PNPLA1: variants seen among roughly 807,000 people sequenced by gnomAD.
The protein encoded by PNPLA1 is omega-hydroxyceramide transacylase.
A neutral mutation model predicts 51.7 loss-of-function variants in PNPLA1; 36 were observed. The observed-to-expected ratio is 0.70, with a 90% CI of 0.53 to 0.92. PNPLA1 has a LOEUF of 0.92. Among genes scored for constraint, PNPLA1 ranks in the 40% least tolerant of loss-of-function variants. The probability of loss-of-function intolerance (pLI) is 0.00; values close to 1 mark genes in which losing one functional copy is unlikely to be tolerated. For synonymous variants in PNPLA1, 293 were observed against 280.1 expected, an observed-to-expected ratio of 1.05 and a Z score of -0.46; for missense variants, 658 against 682.5, an observed-to-expected ratio of 0.96 and a Z score of 0.40.
Position 36,302,923 on chromosome 6 carries a change from C to T in PNPLA1, c.1384+454C>T, listed in dbSNP as rs1254595518. ...TCAAAGAGTGGTCCGCAGACCAACC[C>T]AGCCCTCAACTGTGTGTTACTAGCC... is the stretch of plus-strand genomic sequence containing the variant. On this transcript the variant is annotated intron_variant, in intron 6 of 8. Transcript: ENST00000636260. Among the ~76,000 whole-genome samples, 3 of 152,162 alleles carry T rather than the reference C, an allele frequency of 2.0e-5. No homozygotes were observed. In the South Asian group the frequency reaches 6.2e-4, roughly 32 times the overall value.
At chr6:36,246,435 C>T (rs1308753277) in intron 1 of PNPLA1, among the ~76,000 whole-genome samples, 1 of 152,180 alleles carries the variant, frequency 6.6e-6, no homozygotes, top group Non-Finnish European at 1.5e-5. Context: ...CTCTTGAACT[C>T]AAGTGATCCG....
At position 36,246,499 on chromosome 6, in the gene PNPLA1, G is replaced by T. The variant is rs145522403; in HGVS notation, c.-81+3238G>T. Among the ~76,000 whole-genome samples the T allele has an allele frequency of 1.2e-4, 19 of 152,282 alleles. 2 individuals are homozygous for T. In the East Asian group the frequency reaches 2.1e-3, roughly 17 times the overall value. On this transcript the variant is annotated intron_variant, in intron 1 of 7. Coordinates refer to the PNPLA1 transcript ENST00000312917. ...TTACAGGTGTGAGCCATGGTGCCCG[G>T]CCAGATCCCGTGTCCTTAACTCCTC...
chr6:36,254,594 C>A (rs74935183), intron 1 of PNPLA1, among the ~76,000 whole-genome samples: 52 of 149,658 alleles, frequency 3.5e-4, no homozygotes, highest in African/African-American at 1.1e-3. Context: ...AAAAAAAAAA[C>A]AAAAAACAGA....
Position 36,302,011 on chromosome 6 carries a change from A to G in PNPLA1, c.926A>G (p.Gln309Arg), listed in dbSNP as rs937830523. 1.1e-5 allele frequency: 17 copies of G among 1,614,212 alleles called. No homozygotes were observed. The African/African-American group carries it at 1.2e-4, about 11-fold the overall frequency. Reference protein sequence around the residue: ...ARQASLEGATQPHKEWVPKGD... With the variant: ...ARQASLEGATRPHKEWVPKGD... ...CAGGCCAGTCTGGAAGGAGCCACAC[A>G]ACCTCACAAGGAGTGGGTTCCCAAA... Residue 309 changes from glutamine to arginine, a missense_variant, in exon 6 of 9, where the codon CAA becomes CGA. Gln to Arg is a conservative substitution (Grantham distance 43, BLOSUM62 1). Transcript: ENST00000636260.
chr6:36,278,583 G>A (rs1231078966), intron 1 of PNPLA1, among the ~76,000 whole-genome samples: 2 of 152,192 alleles, frequency 1.3e-5, no homozygotes, highest in Non-Finnish European at 2.9e-5. Context: ...GAAAAGCAGG[G>A]GACAGACACG....
intron 1 of PNPLA1, among the ~76,000 whole-genome samples, chr6:36,287,922 C>T (rs1020302257): frequency 1.1e-4 from 16 of 152,234 alleles, no homozygotes; most frequent in Admixed American, 9.2e-4. Flanking sequence ...GGCTACATGA[C>T]TGGCTAGAGC....
chr6:36,268,984 C>A (rs1006122328), upstream of PNPLA1, among the ~76,000 whole-genome samples: 2 of 151,416 alleles, frequency 1.3e-5, no homozygotes, highest in Non-Finnish European at 2.9e-5. Flanking sequence ...CACGCATGTA[C>A]GCACACACAC....
At chr6:36,291,592 C>CCCGGGGGGGGGG in intron 2 of PNPLA1, 40 bp downstream of exon 2, 2 of 105,202 alleles carry the variant, frequency 1.9e-5, no homozygotes, top group Non-Finnish European at 1.9e-5. Context: ...ACGGAGGGGG[C>CCCGGGGGGGGGG]GGGGGAGGGC....
intron 1 of PNPLA1, 99 bp from the exon 2 acceptor site, chr6:36,291,221 T>C: frequency 1.2e-6 from 1 of 842,508 alleles, no homozygotes; most frequent in Non-Finnish European, 1.9e-6. Context: ...TCCCCATTTG[T>C]TGGATTCAGA....
chr6:36,307,041 A>G (rs1022175564), intron 7 of PNPLA1, among the ~76,000 whole-genome samples: 1 of 152,056 alleles, frequency 6.6e-6, no homozygotes, highest in Non-Finnish European at 1.5e-5. Flanking sequence ...ACAGCAGGAG[A>G]TCAGAAGTTG....
chr6:36,305,786 T>A (rs1249715092), intron 6 of PNPLA1, among the ~76,000 whole-genome samples: 3 of 148,680 alleles, frequency 2.0e-5, no homozygotes, highest in African/African-American at 7.4e-5. Flanking sequence ...TTTTTTTTTT[T>A]TTTTGGTGGT....
At chr6:36,290,873 C>T (rs905347068) in intron 1 of PNPLA1, among the ~76,000 whole-genome samples, 5 of 152,180 alleles carry the variant, frequency 3.3e-5, no homozygotes, top group Non-Finnish European at 7.4e-5. Context: ...TATCCCAGGG[C>T]GTCACTTAGG....
Position 36,287,968 on chromosome 6 carries a change from G to A in PNPLA1, c.206-3352G>A, listed in dbSNP as rs966949897. On this transcript the variant is annotated intron_variant, in intron 1 of 8. Coordinates refer to ENST00000636260, the MANE Select transcript of PNPLA1 (RefSeq NM_001374623.1). ...TCCAGATAGCACCATTTTCAGATGT[G>A]AGTACTTTGGAATGTCGACACTGTT... Among the ~76,000 whole-genome samples the A allele has an allele frequency of 5.9e-5, 9 of 152,216 alleles. 1 individual carries two copies.
At chr6:36,246,213 AT>A (rs796593811) in intron 1 of PNPLA1, among the ~76,000 whole-genome samples, 35 of 147,616 alleles carry the variant, frequency 2.4e-4, no homozygotes, top group African/African-American at 3.5e-4. Flanking sequence ...ACATTTTTGG[AT>A]TTTTTTTTTT....
chr6:36,290,716 G>A (rs1770648796), intron 1 of PNPLA1, among the ~76,000 whole-genome samples: 1 of 152,126 alleles, frequency 6.6e-6, no homozygotes, highest in East Asian at 1.9e-4. Flanking sequence ...CCATATCTCA[G>A]GGTCATCTCC....
At chr6:36,265,338 T>A (rs1769738662), upstream of PNPLA1, among the ~76,000 whole-genome samples, 1 of 151,724 alleles carries the variant, frequency 6.6e-6, no homozygotes, top group Non-Finnish European at 1.5e-5. Flanking sequence ...CGAAACTCTG[T>A]CTCAAAGAGA....
intron 1 of PNPLA1, among the ~76,000 whole-genome samples, chr6:36,275,642 T>G (rs959263644): frequency 1.3e-5 from 2 of 152,210 alleles, no homozygotes; most frequent in Non-Finnish European, 2.9e-5. Flanking sequence ...ATTTCTGTTT[T>G]AATCATTATA....
chr6:36,295,485 T>A (rs758773011), intron 5 of PNPLA1, 61 bp downstream of exon 5: 1 of 1,535,522 alleles, frequency 6.5e-7, no homozygotes, highest in African/African-American at 1.4e-5. Flanking sequence ...GTTCAAACAG[T>A]AGAAGGGCTG....
chr6:36,306,426 A>C lies in PNPLA1; in HGVS notation c.1469+50A>C, dbSNP rs754299523. The C allele has an allele frequency of 2.7e-6, 4 of 1,494,698 alleles. No homozygotes were observed. The Admixed American group carries it at 7.8e-5, about 29-fold the overall frequency. The allele number at this position is 1,494,698 out of a possible 1,614,324, so 92.6% of individuals were successfully genotyped here. A position where few individuals can be genotyped will look rare whatever the true frequency, so the allele number is the denominator to read the frequency against. On this transcript the variant is annotated intron_variant, in intron 7 of 8. Coordinates refer to ENST00000636260, the MANE Select transcript of PNPLA1 (RefSeq NM_001374623.1). ...GCTCTTTCCTTTGGACGGAAGAAGC[A>C]AGCCCGGCTAAGCGATATCTTCCAC...
Sources: allele counts gnomAD v4.1 joint callset (sites outside exome capture counted in the v4.1 genomes callset), GRCh38; gene constraint gnomAD v4.1.1; transcripts MANE v1.5; gene names NCBI Gene and HGNC (gene_info 2026-07-23, HGNC 2026-07-21).